Variants in CTSB observed in about 807,000 individuals in gnomAD.
CTSB encodes APP secretase.
In CTSB, 57 loss-of-function variants were observed where a neutral mutation model predicts 44.3. The observed-to-expected ratio is 1.29, with a 90% CI of 1.04 to 1.60. The LOEUF is 1.60. Ranked by LOEUF, CTSB falls within the 40% of genes most tolerant of loss-of-function variation. The pLI is 0.00. For missense variants in CTSB, 768 were observed against 443.0 expected (o/e 1.73, Z -6.59); for synonymous variants, 320 against 168.0 (o/e 1.91, Z -7.00).
At chr8:11,845,573 T>C in intron 9 of CTSB, 88 bp downstream of exon 9, 1 of 1,497,338 alleles carries the variant, frequency 6.7e-7, no homozygotes, top group Non-Finnish European at 9.1e-7. Flanking sequence ...TTTAAGGCTG[T>C]GCGGTGGGTA....
rs769913573 is a variant in CTSB, at chr8:11,850,825, CTT to C, written c.327+39_327+40del. On this transcript the variant is annotated intron_variant, in intron 4 of 9. Transcript: ENST00000353047. ...CCAAGACTCTCCAGTGTTGCTCCCA[CTT>C]TCTCTCCAGCGCTTCCCCGCCAGCC... 86 of 1,474,538 alleles carry C rather than the reference CTT, an allele frequency of 5.8e-5. 1 individual carries two copies. Among genetic ancestry groups the C allele is most frequent in the South Asian group, 1.3e-4 (11 of 86,192 alleles). The allele number at this position is 1,474,538 out of a possible 1,614,324, so 91.3% of individuals were successfully genotyped here.
At chr8:11,855,711 T>G (rs1315089032) in intron 1 of CTSB, among the ~76,000 whole-genome samples, 1 of 152,042 alleles carries the variant, frequency 6.6e-6, no homozygotes, top group Non-Finnish European at 1.5e-5. Flanking sequence ...AAACTACAAA[T>G]GGCCAACACA....
chr8:11,867,631 CCAGG>C (rs1232643562), intron 1 of CTSB: 1 of 152,254 alleles, frequency 6.6e-6, no homozygotes, highest in Non-Finnish European at 1.5e-5. Flanking sequence ...GAGCGCGGTC[CCAGG>C]CAGCAGTCTC....
rs1036750278 is a variant in CTSB, at chr8:11,849,283, C to T, written c.328-119G>A. The stretch of plus-strand genomic sequence containing the variant: ...TTGTAGGCAACTGATCTCTCAACAC[C>T]AGGGGACGCTCCTGGGGCTCAAACT... On this transcript the variant is annotated intron_variant, in intron 4 of 9. Coordinates refer to ENST00000353047, the MANE Select transcript of CTSB (RefSeq NM_001908.5). The T allele has an allele frequency of 1.4e-4, 97 of 676,198 alleles. 1 individual carries two copies. The Middle Eastern group carries it at 3.8e-3, about 26-fold the overall frequency. The allele number at this position is 676,198 out of a possible 1,614,324, so 41.9% of individuals were successfully genotyped here. A position where few individuals can be genotyped will look rare whatever the true frequency, so the allele number is the denominator to read the frequency against.
intron 1 of CTSB, chr8:11,867,440 G>C (rs989707514): frequency 1.3e-5 from 2 of 152,416 alleles, no homozygotes; most frequent in African/African-American, 4.8e-5. Flanking sequence ...CCCACCCAGT[G>C]CCAGATTCCT....
Position 11,847,693 on chromosome 8 carries a change from T to G in CTSB, c.662A>C (p.Gln221Pro), listed in dbSNP as rs1426329673. Reference protein sequence around the residue: ...CEPGYSPTYKQDKHYGYNSYS... With the variant: ...CEPGYSPTYKPDKHYGYNSYS... ...AGGCCCCTTACCGTAGTGCTTGTCC[T>G]GTTTGTAGGTCGGGCTGTAGCCAGG... The change falls in exon 7 of 10, where the codon CAG (glutamine) becomes CCG (proline). Residue 221 changes from glutamine (Q) to proline (P), a missense_variant. By Grantham distance (76) the Gln-to-Pro change is moderately conservative. Transcript: ENST00000353047. 6.4e-7 allele frequency: 1 copy of G among 1,571,096 alleles called. No homozygotes were observed. The highest frequency in any genetic ancestry group is 8.6e-7 in the Non-Finnish European group (1 of 1,161,480).
Position 11,847,682 on chromosome 8 carries a change from A to G in CTSB, c.673T>C (p.Tyr225His). Residue 225 changes from tyrosine to histidine, a missense_variant, in exon 7 of 10, where the codon TAC becomes CAC. Transcript: ENST00000353047. Reference sequence around the variant, plus strand: ...GGCCAGGCCCCAGGCCCCTTACCGTAGTGCTTGTCCTGTTTGTAGGTCGGG... The same window carrying G: ...GGCCAGGCCCCAGGCCCCTTACCGTGGTGCTTGTCCTGTTTGTAGGTCGGG... The part of the protein sequence containing the change: ...YSPTYKQDKH[Y>H]GYNSYSVSNS... 1.9e-6 allele frequency: 3 copies of G among 1,551,394 alleles called. No homozygotes were observed. The highest frequency in any genetic ancestry group is 2.6e-6 in the Non-Finnish European group (3 of 1,152,178).
At chr8:11,845,840 C>T in intron 8 of CTSB, 51 bp from the exon 9 acceptor site, 2 of 1,540,774 alleles carry the variant, frequency 1.3e-6, no homozygotes, top group Non-Finnish European at 1.8e-6. Flanking sequence ...TGTCCCACGC[C>T]CCACAGCACC....
At chr8:11,847,518 G>A (rs150476921) in intron 7 of CTSB, among the ~76,000 whole-genome samples, 161 bp downstream of exon 7, 4 of 152,272 alleles carry the variant, frequency 2.6e-5, no homozygotes, top group East Asian at 1.9e-4. Context: ...AGTGGAGAGT[G>A]TGCTGCTTCT....
intron 3 of CTSB, among the ~76,000 whole-genome samples, chr8:11,852,361 ACT>A (rs1230326969): frequency 6.6e-6 from 1 of 152,032 alleles, no homozygotes; most frequent in Non-Finnish European, 1.5e-5. Context: ...ACAGAGTGAG[ACT>A]CTCTCAAAAA....
intron 8 of CTSB, among the ~76,000 whole-genome samples, chr8:11,846,661 C>T (rs2130993283): frequency 6.6e-6 from 1 of 152,312 alleles, no homozygotes; most frequent in South Asian, 2.1e-4. Context: ...CCAGTGCAAA[C>T]ACGAACGGCC....
intron 1 of CTSB, among the ~76,000 whole-genome samples, chr8:11,856,139 T>G (rs972494343): frequency 1.3e-5 from 2 of 152,082 alleles, no homozygotes; most frequent in African/African-American, 4.8e-5. Flanking sequence ...TGGCACTTCT[T>G]GCAGGGCTTA....
chr8:11,848,432 C>T (rs1460490607), intron 5 of CTSB: 8 of 550,532 alleles, frequency 1.5e-5, no homozygotes, highest in Non-Finnish European at 2.7e-5. Flanking sequence ...TACGAGTGCC[C>T]TTCCGGGTAG....
chr8:11,856,510 G>A (rs1037494830), intron 1 of CTSB, among the ~76,000 whole-genome samples: 3 of 152,146 alleles, frequency 2.0e-5, no homozygotes, highest in Non-Finnish European at 2.9e-5. Flanking sequence ...CTACTTGGGA[G>A]GCTGAGGCAG....
Position 11,845,235 on chromosome 8 carries a change from A to AG in CTSB, c.923-14dup. ...ATTTTAAAGAAGCCTGGGAATAAAA[A>AG]GTAAGGTGCTTTTAAAGTGTGACAA... On this transcript the variant is annotated splice_polypyrimidine_tract_variant and intron_variant, in intron 9 of 9. Coordinates refer to ENST00000353047, the MANE Select transcript of CTSB (RefSeq NM_001908.5). 1 of 1,595,882 alleles carries AG rather than the reference A, an allele frequency of 6.3e-7. No individual in the cohort carries two copies. The highest frequency in any genetic ancestry group is 8.6e-7 in the Non-Finnish European group (1 of 1,163,588).
intron 1 of CTSB, among the ~76,000 whole-genome samples, chr8:11,856,511 G>T (rs1056481312): frequency 6.6e-6 from 1 of 152,146 alleles, no homozygotes. Context: ...TACTTGGGAG[G>T]CTGAGGCAGT....
chr8:11,844,122 G>A lies in CTSB; in HGVS notation c.*1003C>T, dbSNP rs549552949. On this transcript the variant is annotated 3_prime_UTR_variant, in exon 10 of 10. Transcript: ENST00000353047. The stretch of plus-strand genomic sequence containing the variant: ...CCAGGCACTTACAGAGAAGGTTGAC[G>A]AGGATGACAGGGAACTAATTGGGGG... 3.3e-5 allele frequency: 5 copies of A among 152,372 alleles called. No homozygotes were observed. Among genetic ancestry groups the A allele is most frequent in the African/African-American group, 4.8e-5 (2 of 41,578 alleles). 9.4% of individuals were successfully genotyped at this position (152,372 alleles called of 1,614,324 possible). A position where few individuals can be genotyped will look rare whatever the true frequency, so the allele number is the denominator to read the frequency against.
At chr8:11,852,957 G>A (rs888258741) in intron 2 of CTSB, among the ~76,000 whole-genome samples, 6 of 152,128 alleles carry the variant, frequency 3.9e-5, no homozygotes, top group Non-Finnish European at 4.4e-5. Context: ...TTCTCAGTCC[G>A]AGGGTCAGGG....
chr8:11,850,457 C>G (rs1329876985), intron 4 of CTSB, among the ~76,000 whole-genome samples: 1 of 132,922 alleles, frequency 7.5e-6, no homozygotes. Context: ...AAAAAGAAAA[C>G]AAAAGAAGAT....
Sources: gnomAD v4.1 joint callset for allele counts (sites outside exome capture counted in the v4.1 genomes callset) on GRCh38, gnomAD v4.1.1 for gene constraint, MANE v1.5 for transcripts, NCBI Gene and HGNC (gene_info 2026-07-23, HGNC 2026-07-21) for gene names.